The following STXBP6 variants were observed in gnomAD, a reference collection of about 807,000 sequenced individuals.
STXBP6 encodes syntaxin binding protein 6.
STXBP6 carries 21 observed loss-of-function variants against 26.9 expected under a neutral mutation model. The ratio of observed to expected loss-of-function variants is 0.78; its 90% CI spans 0.55 to 1.12. The LOEUF (loss-of-function observed/expected upper bound fraction) is 1.12. Ranked by LOEUF, STXBP6 falls within the 50% of genes most tolerant of loss-of-function variation. The pLI, the probability that STXBP6 is intolerant of heterozygous loss-of-function variation, is 0.00. For missense variants in STXBP6, 232 were observed against 257.9 expected, an observed-to-expected ratio of 0.90 and a Z score of 0.69; for synonymous variants, 97 against 92.6, an observed-to-expected ratio of 1.05 and a Z score of -0.27.
intron 1 of STXBP6, among the ~76,000 whole-genome samples, chr14:25,012,901 G>C (rs951339009): frequency 6.6e-6 from 1 of 152,006 alleles, no homozygotes; most frequent in Non-Finnish European, 1.5e-5. Flanking sequence ...GATTCCCATC[G>C]GCCAAAGATG....
At chr14:25,000,767 C>T (rs1249550806) in intron 1 of STXBP6, among the ~76,000 whole-genome samples, 8 of 150,890 alleles carry the variant, frequency 5.3e-5, no homozygotes, top group African/African-American at 2.4e-5. Flanking sequence ...TGCCCCACAC[C>T]GAGAAGGAAG....
intron 2 of STXBP6, among the ~76,000 whole-genome samples, chr14:24,893,479 G>A (rs1314984893): frequency 2.0e-5 from 3 of 152,166 alleles, no homozygotes; most frequent in African/African-American, 7.2e-5. Context: ...TATTCGCCAA[G>A]CAGTGCTGTC....
intron 2 of STXBP6, among the ~76,000 whole-genome samples, chr14:24,898,741 C>T (rs1047800214): frequency 6.6e-6 from 1 of 152,050 alleles, no homozygotes; most frequent in Non-Finnish European, 1.5e-5. Flanking sequence ...CTGTCAGCCA[C>T]TCATATGAAG....
At chr14:24,866,992 T>A (rs2069746347) in intron 2 of STXBP6, among the ~76,000 whole-genome samples, 1 of 152,094 alleles carries the variant, frequency 6.6e-6, no homozygotes, top group Admixed American at 6.6e-5. Flanking sequence ...CACTATCTGA[T>A]TATATAAGAC....
At chr14:24,860,504 T>TA (rs775275423) in intron 2 of STXBP6, among the ~76,000 whole-genome samples, 7 of 152,162 alleles carry the variant, frequency 4.6e-5, no homozygotes, top group African/African-American at 1.7e-4. Context: ...GCCACACTGT[T>TA]ACACCTACAC....
chr14:24,886,645 A>G (rs1408016705), intron 2 of STXBP6, among the ~76,000 whole-genome samples: 1 of 152,142 alleles, frequency 6.6e-6, no homozygotes, highest in Non-Finnish European at 1.5e-5. Context: ...GTCATTTCAC[A>G]TTAACTTTAA....
At chr14:24,934,965 A>T (rs1350139445) in intron 2 of STXBP6, among the ~76,000 whole-genome samples, 1 of 152,174 alleles carries the variant, frequency 6.6e-6, no homozygotes, top group Non-Finnish European at 1.5e-5. Context: ...CATTTATAAC[A>T]TTAATGCATC....
intron 1 of STXBP6, among the ~76,000 whole-genome samples, chr14:24,985,478 C>T (rs2074307528): frequency 6.6e-6 from 1 of 152,224 alleles, no homozygotes; most frequent in South Asian, 2.1e-4. Context: ...GGGAAGTCCT[C>T]TTCCACTTCC....
chr14:25,004,369 A>C (rs1037240854), intron 1 of STXBP6, among the ~76,000 whole-genome samples: 4 of 152,238 alleles, frequency 2.6e-5, no homozygotes, highest in Non-Finnish European at 5.9e-5. Context: ...AAGAGCACTC[A>C]ATCAACTTTC....
chr14:24,915,069 G>C (rs1279320514), intron 2 of STXBP6, among the ~76,000 whole-genome samples: 1 of 152,070 alleles, frequency 6.6e-6, no homozygotes, highest in African/African-American at 2.4e-5. Context: ...AGGACAATTT[G>C]TCATGTTTCT....
chr14:24,893,637 C>T (rs55779991), intron 2 of STXBP6, among the ~76,000 whole-genome samples: 3,340 of 152,262 alleles, frequency 0.022, 53 homozygotes, highest in Middle Eastern at 0.034. Context: ...TGTGAATAAT[C>T]CCTAACACAA....
intron 4 of STXBP6, among the ~76,000 whole-genome samples, chr14:24,843,169 A>G (rs1435034234): frequency 6.6e-6 from 1 of 152,202 alleles, no homozygotes; most frequent in Non-Finnish European, 1.5e-5. Context: ...AAGCAGGAAT[A>G]ACGATAACTA....
rs942833269 is a variant in STXBP6 at position 24,898,465 on chromosome 14, T to C, written c.155-41308A>G. On this transcript the variant is annotated intron_variant, in intron 2 of 5. Coordinates refer to ENST00000323944, the MANE Select transcript of STXBP6 (RefSeq NM_001394410.1). Reference sequence around the variant, plus strand: ...AGGCCAAGGCGGGTGGATCACGAGGTCAGGAGTTCGAGACCAGCCTGGCCA... The same window carrying C: ...AGGCCAAGGCGGGTGGATCACGAGGCCAGGAGTTCGAGACCAGCCTGGCCA... Among the ~76,000 whole-genome samples, 52 of 152,142 alleles carry C rather than the reference T, an allele frequency of 3.4e-4. 1 individual carries two copies. The highest frequency in any genetic ancestry group is 1.5e-3 in the South Asian group (7 of 4,806).
At chr14:24,852,460 C>T (rs74349906) in intron 4 of STXBP6, among the ~76,000 whole-genome samples, 2,638 of 152,138 alleles carry the variant, frequency 0.017, 77 homozygotes, top group African/African-American at 0.061. Context: ...TCTCTTTAAT[C>T]TAGATTCTGA....
chr14:24,968,251 A>G (rs2140162417), intron 2 of STXBP6, among the ~76,000 whole-genome samples: 1 of 149,924 alleles, frequency 6.7e-6, no homozygotes, highest in East Asian at 2.0e-4. Flanking sequence ...TGTGCCTCTG[A>G]CTTCAGTGTG....
chr14:24,852,814 C>A (rs1360019840), intron 4 of STXBP6, among the ~76,000 whole-genome samples: 1 of 152,084 alleles, frequency 6.6e-6, no homozygotes, highest in African/African-American at 2.4e-5. Flanking sequence ...CAGGGGGCAC[C>A]ATTCATAACA....
At chr14:24,954,581 G>C (rs762485643) in intron 2 of STXBP6, among the ~76,000 whole-genome samples, 1 of 152,208 alleles carries the variant, frequency 6.6e-6, no homozygotes, top group Non-Finnish European at 1.5e-5. Context: ...ATCTGCGTGA[G>C]AGCTGCCTTT....
chr14:25,050,030 C>A lies in STXBP6; in HGVS notation c.-185G>T. The A allele has an allele frequency of 3.7e-6, 1 of 273,400 alleles. No individual in the cohort carries two copies. Among genetic ancestry groups the A allele is most frequent in the Non-Finnish European group, 5.6e-6 (1 of 179,326 alleles). 16.9% of individuals were successfully genotyped at this position (273,400 alleles called of 1,614,324 possible). Reference sequence around the variant, plus strand: ...CTGGCTCGCCGCCGCTCGCGGCTCCCGCGCCGGCTCCTGCTGCCGCGCGCG... The same window carrying A: ...CTGGCTCGCCGCCGCTCGCGGCTCCAGCGCCGGCTCCTGCTGCCGCGCGCG... On this transcript the variant is annotated 5_prime_UTR_variant, in exon 1 of 6. Transcript: ENST00000323944.
intron 2 of STXBP6, among the ~76,000 whole-genome samples, chr14:24,896,535 TTGCA>T (rs1258960962): frequency 6.6e-6 from 1 of 152,190 alleles, no homozygotes; most frequent in East Asian, 1.9e-4. Context: ...ACAAGCAGCA[TTGCA>T]TGCATATTAA....
Sources: gnomAD v4.1 joint callset for allele counts (sites outside exome capture counted in the v4.1 genomes callset) on GRCh38, gnomAD v4.1.1 for gene constraint, MANE v1.5 for transcripts, NCBI Gene and HGNC (gene_info 2026-07-23, HGNC 2026-07-21) for gene names.